PRLR: variants seen among roughly 807,000 people sequenced by gnomAD.
PRLR encodes the protein prolactin receptor.
A neutral mutation model predicts 40.2 loss-of-function variants in PRLR; 13 were observed. The observed-to-expected ratio is 0.32, with a 90% CI of 0.21 to 0.51. The LOEUF (loss-of-function observed/expected upper bound fraction) is 0.51. Among genes scored for constraint, PRLR ranks in the 20% least tolerant of loss-of-function variants. The pLI is 0.97. For missense variants in PRLR, 656 were observed against 747.3 expected, an observed-to-expected ratio of 0.88 and a Z score of 1.42; for synonymous variants, 269 against 278.7, an observed-to-expected ratio of 0.97 and a Z score of 0.35.
Position 35,065,261 on chromosome 5 carries a change from G to T in PRLR, c.1697C>A (p.Ala566Asp), listed in dbSNP as rs1275841043. The change falls in exon 10 of 10, where the codon GCT becomes GAT. Residue 566 changes from alanine to aspartate, a missense_variant. Physicochemically the swap from Ala to Asp is moderately radical, Grantham distance 126. This residue lies in a region of PRLR where 469 missense variants were observed against 491.5 expected (regional missense o/e 0.95). Transcript: ENST00000618457. ...TTCTTCAAAGCAAGCCACGTTTTTA[G>T]CATGTGGATCTGGCACCAACACCAG... ...NILVLVPDPH[A>D]KNVACFEESA... 1 of 1,614,148 alleles carries T rather than the reference G, an allele frequency of 6.2e-7. No homozygotes were observed. Among genetic ancestry groups the T allele is most frequent in the Non-Finnish European group, 8.5e-7 (1 of 1,180,034 alleles).
chr5:35,201,513 T>C (rs1453938349), intron 1 of PRLR, among the ~76,000 whole-genome samples: 1 of 152,216 alleles, frequency 6.6e-6, no homozygotes. Flanking sequence ...GACTTCATCC[T>C]ACATGCCAAT....
At chr5:35,163,381 C>T (rs1774732181) in intron 1 of PRLR, among the ~76,000 whole-genome samples, 1 of 152,106 alleles carries the variant, frequency 6.6e-6, no homozygotes, top group Admixed American at 6.5e-5. Flanking sequence ...GAAAGCCTGC[C>T]AGAATGATGT....
intron 2 of PRLR, among the ~76,000 whole-genome samples, chr5:35,094,329 A>G (rs1771402158): frequency 6.6e-6 from 1 of 152,188 alleles, no homozygotes; most frequent in Non-Finnish European, 1.5e-5. Context: ...ACATGGGTGT[A>G]GGATTCATCC....
intron 2 of PRLR, among the ~76,000 whole-genome samples, chr5:35,096,225 C>T (rs918401034): frequency 2.6e-5 from 4 of 152,204 alleles, no homozygotes; most frequent in African/African-American, 7.2e-5. Context: ...CACAGAACAC[C>T]GATGCTTCCC....
At chr5:35,153,135 T>C (rs1205134979) in intron 1 of PRLR, among the ~76,000 whole-genome samples, 3 of 151,896 alleles carry the variant, frequency 2.0e-5, no homozygotes, top group African/African-American at 7.2e-5. Flanking sequence ...TGGTATATCA[T>C]AAGCACTTAA....
chr5:35,209,412 G>A (rs1776109850), intron 1 of PRLR, among the ~76,000 whole-genome samples: 1 of 151,646 alleles, frequency 6.6e-6, no homozygotes, highest in Non-Finnish European at 1.5e-5. Flanking sequence ...CATTTTTTCT[G>A]GGGCAAAATG....
intron 1 of PRLR, among the ~76,000 whole-genome samples, chr5:35,149,570 A>G (rs951960132): frequency 6.6e-6 from 1 of 152,158 alleles, no homozygotes; most frequent in African/African-American, 2.4e-5. Flanking sequence ...GGTGCACTTC[A>G]AAAGGTAAGG....
chr5:35,141,299 C>G (rs1774018724), intron 1 of PRLR, among the ~76,000 whole-genome samples: 1 of 151,418 alleles, frequency 6.6e-6, no homozygotes, highest in Non-Finnish European at 1.5e-5. Flanking sequence ...GTAACTGACA[C>G]AAAGTGTAAC....
At chr5:35,091,269 A>G (rs994684694) in intron 2 of PRLR, among the ~76,000 whole-genome samples, 1 of 152,088 alleles carries the variant, frequency 6.6e-6, no homozygotes, top group Admixed American at 6.6e-5. Flanking sequence ...CACTTTCTAA[A>G]TCACCCACTG....
At chr5:35,050,636 G>A (rs182377437) in intron 8 of PRLR, among the ~76,000 whole-genome samples, 198 of 152,174 alleles carry the variant, frequency 1.3e-3, no homozygotes, top group African/African-American at 4.4e-3. Flanking sequence ...AGTAATTATC[G>A]GGGAGGATTT....
chr5:35,124,096 A>G (rs377173244), intron 1 of PRLR, among the ~76,000 whole-genome samples: 2 of 152,214 alleles, frequency 1.3e-5, no homozygotes, highest in East Asian at 1.9e-4. Flanking sequence ...GAAATCATTC[A>G]GGGCTGCTAT....
At chr5:35,190,548 T>A (rs1320426621) in intron 1 of PRLR, among the ~76,000 whole-genome samples, 1 of 151,844 alleles carries the variant, frequency 6.6e-6, no homozygotes, top group East Asian at 1.9e-4. Flanking sequence ...GAGGTTGCAG[T>A]GAGCCGAGAT....
intron 1 of PRLR, among the ~76,000 whole-genome samples, chr5:35,129,501 C>A (rs1453879305): frequency 6.6e-6 from 1 of 152,108 alleles, no homozygotes; most frequent in Non-Finnish European, 1.5e-5. Flanking sequence ...AGGATTTACA[C>A]AAAGGTCAAG....
chr5:35,110,363 T>TA lies in PRLR; in HGVS notation c.-44+7697dup, dbSNP rs199660271. ...ATGTACCCTAAAACTTAAAGTATAA[T>TA]AAAAAAAAATAAGAGCAAGGATATT... On this transcript the variant is annotated intron_variant, in intron 2 of 9. Coordinates refer to ENST00000618457, the MANE Select transcript of PRLR (RefSeq NM_000949.7). 3.3e-3 allele frequency among the ~76,000 whole-genome samples: 497 copies of TA among 149,672 alleles called. 3 individuals carry two copies. Among genetic ancestry groups the TA allele is most frequent in the African/African-American group, 0.01 (421 of 40,182 alleles).
At position 35,092,220 on chromosome 5, in the gene PRLR, A is replaced by G. The variant is rs532784147; in HGVS notation, c.-43-2557T>C. Among the ~76,000 whole-genome samples the G allele has an allele frequency of 2.0e-5, 3 of 152,192 alleles. No homozygotes were observed. The South Asian group carries it at 6.2e-4, about 31-fold the overall frequency. On this transcript the variant is annotated intron_variant, in intron 2 of 9. Transcript: ENST00000618457. ...TTCCCTTTGGGATTTCCTGAGACAC[A>G]TCCTGGAATCTAGTTACTATTATGC... is the stretch of plus-strand genomic sequence containing the variant.
chr5:35,197,505 A>T (rs1775768762), intron 1 of PRLR, among the ~76,000 whole-genome samples: 1 of 152,166 alleles, frequency 6.6e-6, no homozygotes, highest in African/African-American at 2.4e-5. Context: ...GCTCAGCCAG[A>T]TGTCATTCTT....
chr5:35,116,667 C>T (rs935389492), intron 2 of PRLR, among the ~76,000 whole-genome samples: 10 of 152,218 alleles, frequency 6.6e-5, no homozygotes, highest in Non-Finnish European at 1.0e-4. Flanking sequence ...GAAGCCAAGA[C>T]GGGAGAAAGC....
chr5:35,151,801 A>G (rs1250014395), intron 1 of PRLR, among the ~76,000 whole-genome samples: 1 of 152,202 alleles, frequency 6.6e-6, no homozygotes, highest in Non-Finnish European at 1.5e-5. Context: ...AAGCCATTTG[A>G]GTGTTCACAG....
At chr5:35,177,112 C>A (rs993004929) in intron 1 of PRLR, among the ~76,000 whole-genome samples, 18 of 152,116 alleles carry the variant, frequency 1.2e-4, no homozygotes, top group Non-Finnish European at 1.9e-4. Context: ...GTCTGCTGAC[C>A]CTCTCCCCAC....
Sources: gnomAD v4.1 joint callset for allele counts (sites outside exome capture counted in the v4.1 genomes callset) on GRCh38, gnomAD v4.1.1 for gene constraint, gnomAD v4.1.1 regional missense constraint, MANE v1.5 for transcripts, NCBI Gene and HGNC (gene_info 2026-07-23, HGNC 2026-07-21) for gene names.